The following PLCB1 variants were observed in gnomAD, a reference collection of about 807,000 sequenced individuals.
PLCB1 encodes the protein 1-phosphatidylinositol 4,5-bisphosphate phosphodiesterase beta-1.
PLCB1 carries 46 observed loss-of-function variants against 161.8 expected under a neutral mutation model. The observed-to-expected ratio is 0.28, with a 90% CI of 0.22 to 0.36. The LOEUF (loss-of-function observed/expected upper bound fraction) is 0.36, where lower values mean the gene tolerates loss of function less well. Ranked by LOEUF, PLCB1 falls within the 10% of genes least tolerant of loss-of-function variation. The pLI, the probability that PLCB1 is intolerant of heterozygous loss-of-function variation, is 1.00. For missense variants in PLCB1, 1,016 were observed against 1,472.5 expected, an observed-to-expected ratio of 0.69 and a Z score of 5.07; for synonymous variants, 517 against 503.7, an observed-to-expected ratio of 1.03 and a Z score of -0.35.
chr20:8,824,460 T>C (rs1025713416), intron 31 of PLCB1, among the ~76,000 whole-genome samples: 1 of 152,220 alleles, frequency 6.6e-6, no homozygotes, highest in African/African-American at 2.4e-5. Context: ...GTTTCTGCTT[T>C]ATTAATCCAT....
intron 31 of PLCB1, among the ~76,000 whole-genome samples, chr20:8,799,030 T>A (rs1023966527): frequency 3.3e-5 from 5 of 152,188 alleles, no homozygotes; most frequent in African/African-American, 1.2e-4. Flanking sequence ...AAGATTGCTA[T>A]TGTCTATTGG....
At chr20:8,447,781 A>C (rs1600407732) in intron 3 of PLCB1, among the ~76,000 whole-genome samples, 1 of 152,204 alleles carries the variant, frequency 6.6e-6, no homozygotes, top group East Asian at 1.9e-4. Flanking sequence ...GCGGAATATG[A>C]TTTTAGCAGG....
At chr20:8,196,765 C>T (rs2052028960) in intron 2 of PLCB1, among the ~76,000 whole-genome samples, 1 of 151,880 alleles carries the variant, frequency 6.6e-6, no homozygotes, top group Admixed American at 6.6e-5. Flanking sequence ...GTGTGCTGCA[C>T]CCATTAACTT....
intron 31 of PLCB1, among the ~76,000 whole-genome samples, chr20:8,860,851 A>C (rs372447678): frequency 6.6e-6 from 1 of 152,224 alleles, no homozygotes; most frequent in Non-Finnish European, 1.5e-5. Flanking sequence ...GAAACTAAGT[A>C]ATTTCAATCA....
chr20:8,279,345 A>G lies in PLCB1; in HGVS notation c.178-92037A>G, dbSNP rs1057069140. On this transcript the variant is annotated intron_variant, in intron 2 of 31. Transcript: ENST00000338037. ...TTCCTAGAAGACAGATGAAGCTTGGAAACATTACACTGAGTGAAGTAAGCC... is the reference window on the plus strand; with the variant it reads ...TTCCTAGAAGACAGATGAAGCTTGGGAACATTACACTGAGTGAAGTAAGCC... 4.1e-4 allele frequency among the ~76,000 whole-genome samples: 63 copies of G among 152,220 alleles called. 2 individuals carry two copies. The highest frequency in any genetic ancestry group is 7.3e-5 in the Non-Finnish European group (5 of 68,032).
At chr20:8,522,679 C>G (rs1984399864) in intron 3 of PLCB1, among the ~76,000 whole-genome samples, 2 of 152,108 alleles carry the variant, frequency 1.3e-5, no homozygotes, top group African/African-American at 4.8e-5. Flanking sequence ...ATTGAATAGT[C>G]TTAATTACAA....
chr20:8,512,651 A>G (rs1308869708), intron 3 of PLCB1, among the ~76,000 whole-genome samples: 8 of 152,202 alleles, frequency 5.3e-5, no homozygotes, highest in Non-Finnish European at 1.0e-4. Flanking sequence ...TTTACCCCAT[A>G]TTGTACATTG....
chr20:8,615,447 T>G (rs1988018304), intron 3 of PLCB1, among the ~76,000 whole-genome samples: 1 of 152,158 alleles, frequency 6.6e-6, no homozygotes, highest in Admixed American at 6.6e-5. Context: ...TCAATGTTTT[T>G]GATAAAGTGC....
chr20:8,472,936 G>A (rs1405538544), intron 3 of PLCB1, among the ~76,000 whole-genome samples: 1 of 152,134 alleles, frequency 6.6e-6, no homozygotes, highest in Non-Finnish European at 1.5e-5. Flanking sequence ...TTCAAGCCAT[G>A]ATTCACATGG....
intron 4 of PLCB1, among the ~76,000 whole-genome samples, chr20:8,643,127 A>G (rs1422196372): frequency 1.3e-5 from 2 of 152,104 alleles, no homozygotes; most frequent in Non-Finnish European, 2.9e-5. Flanking sequence ...CCTCCAACAT[A>G]TAGAGTTCAA....
chr20:8,588,970 T>C (rs1037736287), intron 3 of PLCB1, among the ~76,000 whole-genome samples: 3 of 152,084 alleles, frequency 2.0e-5, no homozygotes, highest in African/African-American at 7.2e-5. Context: ...CAAACACATA[T>C]CGGACAAGAC....
chr20:8,372,158 T>C (rs186975038), intron 3 of PLCB1: 64 of 152,348 alleles, frequency 4.2e-4, no homozygotes, highest in African/African-American at 1.4e-3. Context: ...CTTTACATAC[T>C]TCATTTCTGG....
chr20:8,704,654 T>C (rs910666023), intron 11 of PLCB1, among the ~76,000 whole-genome samples: 5 of 152,226 alleles, frequency 3.3e-5, no homozygotes, highest in Admixed American at 6.5e-5. Flanking sequence ...TTAAGCTTTA[T>C]TGGGACACAG....
chr20:8,263,086 G>A (rs1265675154), intron 2 of PLCB1, among the ~76,000 whole-genome samples: 1 of 152,136 alleles, frequency 6.6e-6, no homozygotes, highest in African/African-American at 2.4e-5. Context: ...GCCACTGACT[G>A]CCCAAATAAT....
intron 31 of PLCB1, among the ~76,000 whole-genome samples, chr20:8,798,146 G>A (rs1474625386): frequency 4.6e-5 from 7 of 151,382 alleles, no homozygotes; most frequent in African/African-American, 7.3e-5. Context: ...GCAGTGAGCC[G>A]AGATCATGCC....
chr20:8,669,906 C>T (rs767778942), intron 9 of PLCB1, among the ~76,000 whole-genome samples: 6 of 152,306 alleles, frequency 3.9e-5, no homozygotes, highest in Non-Finnish European at 8.8e-5. Context: ...GCTCATACAA[C>T]GCCAATGTCC....
intron 12 of PLCB1, among the ~76,000 whole-genome samples, chr20:8,709,309 G>T (rs745731391): frequency 3.9e-5 from 6 of 152,114 alleles, no homozygotes; most frequent in African/African-American, 1.4e-4. Flanking sequence ...CAAAGAAAAG[G>T]TTATTTTGAC....
At chr20:8,644,223 T>C (rs1269993514) in intron 4 of PLCB1, among the ~76,000 whole-genome samples, 928 of 148,850 alleles carry the variant, frequency 6.2e-3, no homozygotes, top group African/African-American at 0.019. Flanking sequence ...CCACCCCGTC[T>C]GGGAAGTGAG....
Position 8,319,204 on chromosome 20 carries a change from A to G in PLCB1, c.178-52178A>G, listed in dbSNP as rs373829974. On this transcript the variant is annotated intron_variant, in intron 2 of 31. Coordinates refer to ENST00000338037, the MANE Select transcript of PLCB1 (RefSeq NM_015192.4). ...TTGCATCAGTTATTTACTGCCAAAT[A>G]ATGTTGCATAACTAATTACTCCCAA... 5.9e-5 allele frequency among the ~76,000 whole-genome samples: 9 copies of G among 152,314 alleles called. No homozygotes were observed. In the East Asian group the frequency reaches 1.4e-3, roughly 23 times the overall value.
Sources: gnomAD v4.1 joint callset for allele counts (sites outside exome capture counted in the v4.1 genomes callset) on GRCh38, gnomAD v4.1.1 for gene constraint, MANE v1.5 for transcripts, NCBI Gene and HGNC (gene_info 2026-07-23, HGNC 2026-07-21) for gene names.